The following FHIT variants were observed in gnomAD, a reference collection of about 807,000 sequenced individuals.
FHIT encodes bis(5'-adenosyl)-triphosphatase.
In FHIT, 19 loss-of-function variants were observed where a neutral mutation model predicts 17.9. That is an observed-to-expected ratio of 1.06 (90% CI 0.74 to 1.56). The LOEUF (loss-of-function observed/expected upper bound fraction) is 1.56, where lower values mean the gene tolerates loss of function less well. Ranked by LOEUF, FHIT falls within the 40% of genes most tolerant of loss-of-function variation. FHIT has a pLI of 0.00. For synonymous variants in FHIT, 81 were observed against 69.7 expected (o/e 1.16, Z -0.81); for missense variants, 248 against 189.2 (o/e 1.31, Z -1.82).
chr3:60,641,852 G>T (rs536422087), intron 4 of FHIT, among the ~76,000 whole-genome samples: 2 of 152,216 alleles, frequency 1.3e-5, no homozygotes, highest in African/African-American at 4.8e-5. Context: ...TATTTTCAGA[G>T]GTGGAGGTTG....
chr3:60,665,815 T>C (rs1307949242), intron 4 of FHIT, among the ~76,000 whole-genome samples: 4 of 152,114 alleles, frequency 2.6e-5, no homozygotes, highest in African/African-American at 9.6e-5. Flanking sequence ...ATTTCATTAC[T>C]TGTTTTCTAT....
chr3:60,751,632 T>A (rs961999255), intron 4 of FHIT, among the ~76,000 whole-genome samples: 10 of 152,214 alleles, frequency 6.6e-5, no homozygotes, highest in Non-Finnish European at 7.3e-5. Context: ...CCACTGTTGG[T>A]GAGATTTTAA....
Position 61,022,618 on chromosome 3 carries a change from C to A in FHIT, c.-111+19429G>T, listed in dbSNP as rs140188731. On this transcript the variant is annotated intron_variant, in intron 3 of 9. Transcript: ENST00000492590. ...CAATAAAATACTGGCAAACTGAATACAGCAGCACATCAAAAAGCTTATCCA... is the reference window on the plus strand; with the variant it reads ...CAATAAAATACTGGCAAACTGAATAAAGCAGCACATCAAAAAGCTTATCCA... 9.4e-3 allele frequency among the ~76,000 whole-genome samples: 1,433 copies of A among 152,314 alleles called. 20 individuals are homozygous for A. Among genetic ancestry groups the A allele is most frequent in the African/African-American group, 0.032 (1,338 of 41,562 alleles).
intron 3 of FHIT, among the ~76,000 whole-genome samples, chr3:60,939,203 G>A (rs544383477): frequency 8.5e-4 from 129 of 152,028 alleles, no homozygotes; most frequent in African/African-American, 2.9e-3. Context: ...CATGTTACTC[G>A]GTAATACCAT....
chr3:59,852,797 C>T (rs1219985039), intron 8 of FHIT, among the ~76,000 whole-genome samples: 2 of 152,154 alleles, frequency 1.3e-5, no homozygotes, highest in Admixed American at 6.5e-5. Flanking sequence ...TTTAGGTAGG[C>T]TTCTTTCACT....
At chr3:59,884,018 T>TG (rs1703517479) in intron 8 of FHIT, among the ~76,000 whole-genome samples, 1 of 152,218 alleles carries the variant, frequency 6.6e-6, no homozygotes, top group Admixed American at 6.5e-5. Flanking sequence ...CTTGTTTATG[T>TG]AAACAAAAAT....
chr3:60,527,924 T>C (rs1341206747), intron 5 of FHIT, among the ~76,000 whole-genome samples: 12 of 152,344 alleles, frequency 7.9e-5, no homozygotes, highest in African/African-American at 1.4e-4. Context: ...AGAGCCACCA[T>C]TGGTCTGTGC....
intron 4 of FHIT, among the ~76,000 whole-genome samples, chr3:60,540,126 C>T (rs1326344466): frequency 6.6e-6 from 1 of 151,962 alleles, no homozygotes; most frequent in Non-Finnish European, 1.5e-5. Context: ...ATAATGAAGC[C>T]TCTGTAAAAA....
chr3:60,588,741 C>T lies in FHIT; in HGVS notation c.-17-51762G>A, dbSNP rs372631181. 3.3e-5 allele frequency among the ~76,000 whole-genome samples: 5 copies of T among 152,008 alleles called. 1 individual carries two copies. Among genetic ancestry groups the T allele is most frequent in the East Asian group, 1.9e-4 (1 of 5,154 alleles). ...ATGGCTCACTACAGCCTCAACCTCT[C>T]AAGCTCAAGTGATCCTCTTGGCCTC... On this transcript the variant is annotated intron_variant, in intron 4 of 9. Transcript: ENST00000492590.
chr3:60,519,381 A>G (rs1210949781), intron 5 of FHIT, among the ~76,000 whole-genome samples: 1 of 152,198 alleles, frequency 6.6e-6, no homozygotes, highest in Non-Finnish European at 1.5e-5. Context: ...GTTTGAATAT[A>G]TTTACAGTTG....
chr3:60,350,872 G>C (rs576403338), intron 5 of FHIT, among the ~76,000 whole-genome samples: 1 of 152,144 alleles, frequency 6.6e-6, no homozygotes, highest in Non-Finnish European at 1.5e-5. Context: ...ATTATGTTAT[G>C]TAAAACTCCA....
chr3:60,968,187 A>G (rs147539400), intron 3 of FHIT, among the ~76,000 whole-genome samples: 11 of 152,326 alleles, frequency 7.2e-5, no homozygotes, highest in African/African-American at 2.4e-4. Context: ...ACTTCAAACT[A>G]AGAAGCAAAT....
At chr3:60,457,454 G>T (rs2032176010) in intron 5 of FHIT, among the ~76,000 whole-genome samples, 1 of 151,904 alleles carries the variant, frequency 6.6e-6, no homozygotes, top group South Asian at 2.1e-4. Flanking sequence ...AGACTTAAAT[G>T]TTAGACCTAA....
At chr3:61,162,935 T>A (rs1251104597) in intron 2 of FHIT, among the ~76,000 whole-genome samples, 4 of 152,248 alleles carry the variant, frequency 2.6e-5, no homozygotes, top group African/African-American at 9.6e-5. Flanking sequence ...TCTCTCATTA[T>A]AAGTTGACCT....
chr3:60,195,188 CA>C (rs755019264), intron 5 of FHIT, among the ~76,000 whole-genome samples: 3 of 150,708 alleles, frequency 2.0e-5, no homozygotes, highest in Admixed American at 6.6e-5. Context: ...AACAAACAAC[CA>C]AAAAAAACCA....
At chr3:60,929,152 C>G (rs1398387506) in intron 3 of FHIT, among the ~76,000 whole-genome samples, 5 of 152,146 alleles carry the variant, frequency 3.3e-5, no homozygotes, top group African/African-American at 1.2e-4. Flanking sequence ...AGACCTTTGA[C>G]AAAATTCAAC....
chr3:60,201,031 C>A (rs1342189284), intron 5 of FHIT, among the ~76,000 whole-genome samples: 3 of 152,124 alleles, frequency 2.0e-5, no homozygotes, highest in African/African-American at 7.2e-5. Flanking sequence ...GGAAGACAAC[C>A]ACTTACCCAA....
chr3:61,005,123 AATT>A lies in FHIT; in HGVS notation c.-111+36921_-111+36923del, dbSNP rs2031359073. On this transcript the variant is annotated intron_variant, in intron 3 of 9. Transcript: ENST00000492590. ...TTCTCCCTAGAAAGAATGTGATAGG[AATT>A]ATTAAGCTCTTAGGAAAGGTGAGTA... 2.6e-5 allele frequency among the ~76,000 whole-genome samples: 4 copies of A among 152,266 alleles called. No individual in the cohort carries two copies. In the South Asian group the frequency reaches 6.2e-4, roughly 24 times the overall value.
intron 4 of FHIT, among the ~76,000 whole-genome samples, chr3:60,625,593 T>C (rs947656915): frequency 6.6e-6 from 1 of 152,180 alleles, no homozygotes; most frequent in Non-Finnish European, 1.5e-5. Flanking sequence ...CTTTTATCCA[T>C]TTTTTAAATT....
Sources: allele counts gnomAD v4.1 joint callset (sites outside exome capture counted in the v4.1 genomes callset), GRCh38; gene constraint gnomAD v4.1.1; transcripts MANE v1.5; gene names NCBI Gene and HGNC (gene_info 2026-07-23, HGNC 2026-07-21).